PPP1R12B: variants seen among roughly 807,000 people sequenced by gnomAD.
PPP1R12B encodes protein phosphatase 1 regulatory subunit 12B.
PPP1R12B carries 76 observed loss-of-function variants against 126.1 expected under a neutral mutation model. That is an observed-to-expected ratio of 0.60 (90% CI 0.50 to 0.73). The LOEUF (loss-of-function observed/expected upper bound fraction) is 0.73. PPP1R12B is among the 30% of genes least tolerant of loss of function. The pLI is 0.00. For missense variants in PPP1R12B, 1,052 were observed against 1,205.1 expected (o/e 0.87, Z 1.88); for synonymous variants, 356 against 434.7 (o/e 0.82, Z 2.25).
At chr1:202,548,221 A>G (rs1189592711) in intron 18 of PPP1R12B, among the ~76,000 whole-genome samples, 1 of 152,182 alleles carries the variant, frequency 6.6e-6, no homozygotes, top group Non-Finnish European at 1.5e-5. Context: ...TAGCTCCTAG[A>G]TTATTACCAG....
At chr1:202,351,045 A>G (rs1488944915) in intron 1 of PPP1R12B, among the ~76,000 whole-genome samples, 1 of 152,186 alleles carries the variant, frequency 6.6e-6, no homozygotes, top group Non-Finnish European at 1.5e-5. Flanking sequence ...CTGAACAAGT[A>G]TACTCGATTC....
Position 202,582,503 on chromosome 1 carries a change from CTGTT to C in PPP1R12B, c.*1944_*1947del, listed in dbSNP as rs1205107937. On this transcript the variant is annotated 3_prime_UTR_variant, in exon 24 of 24. Coordinates refer to ENST00000608999, the MANE Select transcript of PPP1R12B (RefSeq NM_002481.4). ...TTCCCTTAATATATACTACCTCTGT[CTGTT>C]AATTCTTTCCTAACATGACATGTAG... The C allele has an allele frequency of 1.3e-5, 2 of 152,588 alleles. No homozygotes were observed. Among genetic ancestry groups the C allele is most frequent in the Non-Finnish European group, 2.9e-5 (2 of 68,026 alleles). 9.5% of individuals were successfully genotyped at this position (152,588 alleles called of 1,614,324 possible).
chr1:202,408,517 T>A (rs1174485267), intron 1 of PPP1R12B, among the ~76,000 whole-genome samples: 2 of 152,212 alleles, frequency 1.3e-5, no homozygotes, highest in African/African-American at 4.8e-5. Flanking sequence ...AGGTTCTGAT[T>A]CTGATTCGCT....
chr1:202,424,613 G>A (rs944886044), intron 3 of PPP1R12B, among the ~76,000 whole-genome samples: 2 of 152,074 alleles, frequency 1.3e-5, no homozygotes, highest in Admixed American at 6.5e-5. Flanking sequence ...ATGAGACACC[G>A]CACCCAGCAG....
chr1:202,392,522 T>G, intron 1 of PPP1R12B, among the ~76,000 whole-genome samples: 1 of 151,704 alleles, frequency 6.6e-6, no homozygotes, highest in Non-Finnish European at 1.5e-5. Context: ...GACTTCTTTT[T>G]TTTTTCTTTT....
At chr1:202,434,799 G>T in intron 9 of PPP1R12B, 31 bp downstream of exon 9, 3 of 1,611,026 alleles carry the variant, frequency 1.9e-6, no homozygotes, top group South Asian at 2.2e-5. Flanking sequence ...TTGGGAATTA[G>T]ATTTCACCCT....
intron 13 of PPP1R12B, among the ~76,000 whole-genome samples, chr1:202,457,059 G>A (rs538938597): frequency 2.9e-4 from 44 of 152,324 alleles, no homozygotes; most frequent in African/African-American, 1.0e-3. Context: ...CAGCTGTATT[G>A]AAGATAGACA....
At chr1:202,423,902 C>G (rs1397774583) in intron 3 of PPP1R12B, among the ~76,000 whole-genome samples, 1 of 152,108 alleles carries the variant, frequency 6.6e-6, no homozygotes, top group East Asian at 1.9e-4. Context: ...CCAGGCTGTT[C>G]TTAAACTCCT....
At chr1:202,494,582 T>TA (rs35373351) in intron 15 of PPP1R12B, among the ~76,000 whole-genome samples, 2,518 of 127,660 alleles carry the variant, frequency 0.02, 38 homozygotes, top group Non-Finnish European at 0.028. Flanking sequence ...TTCTCAGGTT[T>TA]AAAAAAAAAA....
chr1:202,431,229 A>T (rs142752798), intron 7 of PPP1R12B, among the ~76,000 whole-genome samples: 1 of 152,288 alleles, frequency 6.6e-6, no homozygotes, highest in Admixed American at 6.5e-5. Flanking sequence ...ATATTTACCC[A>T]CTGTCATCAA....
At chr1:202,384,244 G>A (rs969469465) in intron 1 of PPP1R12B, among the ~76,000 whole-genome samples, 4 of 152,168 alleles carry the variant, frequency 2.6e-5, no homozygotes, top group African/African-American at 9.7e-5. Flanking sequence ...ATAACAACTT[G>A]TACATCATTG....
At chr1:202,564,298 A>G in intron 20 of PPP1R12B, 145 bp from the exon 21 acceptor site, 1 of 494,532 alleles carries the variant, frequency 2.0e-6, no homozygotes, top group Middle Eastern at 5.4e-4. Flanking sequence ...AGTTGGCTGA[A>G]TGTACTCTGC....
intron 1 of PPP1R12B, among the ~76,000 whole-genome samples, chr1:202,407,133 G>T (rs1206050821): frequency 6.6e-6 from 1 of 152,138 alleles, no homozygotes; most frequent in Non-Finnish European, 1.5e-5. Flanking sequence ...TATAACCATA[G>T]TGCAAAAGTT....
At position 202,589,235 on chromosome 1, in the gene PPP1R12B, G is replaced by T. The variant is rs1000718619; in HGVS notation, c.*8675G>T. On this transcript the variant is annotated 3_prime_UTR_variant, in exon 24 of 24. Coordinates refer to ENST00000608999, the MANE Select transcript of PPP1R12B (RefSeq NM_002481.4). ...AGAGCTGTTCAGGCCCGCTGGCAGG[G>T]TTTGTACGTGGGTGGCCAGGTCTGA... The T allele has an allele frequency of 2.0e-4, 31 of 152,236 alleles. No homozygotes were observed. Among genetic ancestry groups the T allele is most frequent in the African/African-American group, 5.8e-4 (24 of 41,456 alleles). The allele number at this position is 152,236 out of a possible 1,614,324, so 9.4% of individuals were successfully genotyped here. A position where few individuals can be genotyped will look rare whatever the true frequency, so the allele number is the denominator to read the frequency against.
At chr1:202,389,926 CAAAAA>C (rs35190931) in intron 1 of PPP1R12B, among the ~76,000 whole-genome samples, 2 of 95,858 alleles carry the variant, frequency 2.1e-5, no homozygotes, top group African/African-American at 7.9e-5. Flanking sequence ...GACTCTGTCT[CAAAAA>C]AAAAAAAAAA....
Position 202,508,565 on chromosome 1 carries a change from C to T in PPP1R12B, c.2490+11743C>T, listed in dbSNP as rs918866861. Among the ~76,000 whole-genome samples the T allele has an allele frequency of 6.6e-6, 1 of 152,124 alleles. No homozygotes were observed. Among genetic ancestry groups the T allele is most frequent in the African/African-American group, 2.4e-5 (1 of 41,418 alleles). On this transcript the variant is annotated intron_variant, in intron 18 of 23. Transcript: ENST00000608999. This position sits in a 1 kb window ranked among gnomAD's most constrained non-coding sequence, Gnocchi z 4.5. ...ACAGAAGCATTTTAAAGGCAAACAA[C>T]ATGTTTGAGTATTATGTCACCAAAT...
chr1:202,397,848 G>C (rs1346534350), intron 1 of PPP1R12B, among the ~76,000 whole-genome samples: 2 of 152,326 alleles, frequency 1.3e-5, no homozygotes, highest in Admixed American at 1.3e-4. Context: ...AGAAAATCAT[G>C]ATAGCAATGG....
chr1:202,450,262 T>C (rs779105709), intron 13 of PPP1R12B, among the ~76,000 whole-genome samples: 32 of 152,212 alleles, frequency 2.1e-4, no homozygotes, highest in Non-Finnish European at 4.1e-4. Context: ...GGTAGAAGAA[T>C]AGTGACTAGA....
chr1:202,557,479 T>C (rs1418409218), intron 18 of PPP1R12B, among the ~76,000 whole-genome samples: 3 of 152,142 alleles, frequency 2.0e-5, no homozygotes, highest in Admixed American at 6.5e-5. Flanking sequence ...GAATTTTAGA[T>C]TTCCAACTTT....
Sources: allele counts gnomAD v4.1 joint callset (sites outside exome capture counted in the v4.1 genomes callset), GRCh38; gene constraint gnomAD v4.1.1; non-coding constraint Gnocchi (gnomAD v3.1); transcripts MANE v1.5; gene names NCBI Gene and HGNC (gene_info 2026-07-23, HGNC 2026-07-21).